ZNF232: variants seen among roughly 807,000 people sequenced by gnomAD.
ZNF232 encodes the protein zinc finger and SCAN domain-containing protein 11.
Under a neutral mutation model 25.2 loss-of-function variants are expected in ZNF232, and 25 were observed. The observed-to-expected ratio is 0.99, with a 90% CI of 0.72 to 1.39. ZNF232 has a LOEUF of 1.39. Ranked by LOEUF, ZNF232 falls within the 40% of genes most tolerant of loss-of-function variation. The probability of loss-of-function intolerance (pLI) is 0.00; values close to 1 mark genes in which losing one functional copy is unlikely to be tolerated. For synonymous variants in ZNF232, 193 were observed against 182.9 expected, an observed-to-expected ratio of 1.06 and a Z score of -0.45; for missense variants, 519 against 520.9, an observed-to-expected ratio of 1.00 and a Z score of 0.04.
At chr17:5,122,327 G>A (rs1226299890) in intron 1 of ZNF232, among the ~76,000 whole-genome samples, 1 of 152,174 alleles carries the variant, frequency 6.6e-6, no homozygotes, top group Non-Finnish European at 1.5e-5. Flanking sequence ...GACTGTGTGA[G>A]TGGTGACACC....
upstream of ZNF232, among the ~76,000 whole-genome samples, chr17:5,112,583 C>T (rs1190297530): frequency 6.6e-6 from 1 of 150,982 alleles, no homozygotes; most frequent in Non-Finnish European, 1.5e-5. Context: ...TCCTGAGTAG[C>T]TGGGACTAGA....
chr17:5,119,786 C>T (rs1688456265), intron 1 of ZNF232, among the ~76,000 whole-genome samples: 1 of 152,190 alleles, frequency 6.6e-6, no homozygotes, highest in African/African-American at 2.4e-5. Flanking sequence ...GACTCACAGC[C>T]ATCATCTCAG....
At chr17:5,120,744 G>T in intron 1 of ZNF232, 1 of 439,610 alleles carries the variant, frequency 2.3e-6, no homozygotes, top group Admixed American at 2.4e-5. Context: ...CAAGAAATTG[G>T]TGGAGAAGAG....
chr17:5,115,846 G>C (rs2143666734), upstream of ZNF232, among the ~76,000 whole-genome samples: 1 of 152,284 alleles, frequency 6.6e-6, no homozygotes. Flanking sequence ...ACACAGCCCG[G>C]GCGCACCCCG....
At chr17:5,112,967 A>G (rs1472459010), upstream of ZNF232, among the ~76,000 whole-genome samples, 1 of 152,110 alleles carries the variant, frequency 6.6e-6, no homozygotes, top group Non-Finnish European at 1.5e-5. Context: ...TCAAAAAAAA[A>G]ATTAATTAAA....
At chr17:5,113,183 G>C (rs552894807), upstream of ZNF232, among the ~76,000 whole-genome samples, 1 of 152,288 alleles carries the variant, frequency 6.6e-6, no homozygotes, top group South Asian at 2.1e-4. Context: ...ACACCCCCAT[G>C]GCTGGGGGAT....
chr17:5,107,857 A>C (rs1470859516), intron 3 of ZNF232, among the ~76,000 whole-genome samples: 1 of 152,178 alleles, frequency 6.6e-6, no homozygotes, highest in Non-Finnish European at 1.5e-5. Flanking sequence ...TTTTTTAAAA[A>C]TTCATTTTTT....
At chr17:5,112,106 A>AGAGTGAGCCCTT (rs2072430940), upstream of ZNF232, 2 of 536,866 alleles carry the variant, frequency 3.7e-6, no homozygotes, top group Admixed American at 7.1e-5. Context: ...GCGCAGGTGG[A>AGAGTGAGCCCTT]GAGTGAGCCC....
chr17:5,111,980 G>T, upstream of ZNF232: 1 of 1,109,256 alleles, frequency 9.0e-7, no homozygotes, highest in East Asian at 2.7e-5. Flanking sequence ...CTGCCGAGAG[G>T]CTGGGAGCCC....
At chr17:5,108,591 G>C (rs781157398) in intron 3 of ZNF232, among the ~76,000 whole-genome samples, 10 of 151,860 alleles carry the variant, frequency 6.6e-5, no homozygotes, top group South Asian at 2.1e-4. Context: ...GGAGTTAAGT[G>C]CAGTGGAGAT....
chr17:5,121,632 G>T, intron 1 of ZNF232: 1 of 160,802 alleles, frequency 6.2e-6, no homozygotes, highest in South Asian at 1.7e-4. Flanking sequence ...GCAGCTGTGC[G>T]AGCTCTGCTG....
At chr17:5,119,439 T>C (rs1035758707) in intron 1 of ZNF232, among the ~76,000 whole-genome samples, 9 of 152,240 alleles carry the variant, frequency 5.9e-5, no homozygotes, top group Non-Finnish European at 1.2e-4. Context: ...TTTGTCCTTC[T>C]TCAGCCCCCA....
chr17:5,112,015 G>A, upstream of ZNF232: 1 of 835,304 alleles, frequency 1.2e-6, no homozygotes, highest in South Asian at 1.8e-5. Flanking sequence ...GGACTTGAGC[G>A]GAGCGAGAAA....
At chr17:5,109,484 T>C (rs2072343001) in exon 2 of ZNF232, 3 of 1,614,032 alleles carry the variant, frequency 1.9e-6, no homozygotes, top group South Asian at 2.2e-5. Context: ...GCACCCAGGA[T>C]TGGAGCTCCT....
intron 1 of ZNF232, among the ~76,000 whole-genome samples, chr17:5,119,434 CCTT>C (rs1488401097): frequency 3.9e-5 from 6 of 152,180 alleles, no homozygotes; most frequent in African/African-American, 1.2e-4. Flanking sequence ...ACTCTTTTGT[CCTT>C]CTTCAGCCCC....
intron 1 of ZNF232, among the ~76,000 whole-genome samples, chr17:5,122,632 C>T (rs548088346): frequency 1.9e-4 from 29 of 152,326 alleles, no homozygotes; most frequent in South Asian, 1.9e-3. Context: ...CCGGAACGGC[C>T]GGCTGCAACG....
upstream of ZNF232, chr17:5,111,862 C>A (rs776881958): frequency 1.2e-6 from 2 of 1,612,784 alleles, no homozygotes; most frequent in Admixed American, 3.3e-5. Flanking sequence ...CAGCCCTCAC[C>A]CCAGGGGCAG....
At chr17:5,106,620 A>G in intron 3 of ZNF232, 87 bp from the exon 4 acceptor site, 1 of 1,133,808 alleles carries the variant, frequency 8.8e-7, no homozygotes, top group Non-Finnish European at 1.2e-6. Flanking sequence ...ATATATGACA[A>G]ACATTCGAAG....
intron 1 of ZNF232, chr17:5,110,991 T>C (rs1490622838): frequency 6.6e-6 from 1 of 152,244 alleles, no homozygotes; most frequent in Non-Finnish European, 1.5e-5. Context: ...TGAATCCACA[T>C]GTTGCACGTG....
Sources: allele counts gnomAD v4.1 joint callset (sites outside exome capture counted in the v4.1 genomes callset), GRCh38; gene constraint gnomAD v4.1.1; transcripts MANE v1.5; gene names NCBI Gene and HGNC (gene_info 2026-07-23, HGNC 2026-07-21).